The following KALRN variants were observed in gnomAD, a reference collection of about 807,000 sequenced individuals.
KALRN encodes kalirin.
Under a neutral mutation model 353.7 loss-of-function variants are expected in KALRN, and 70 were observed. The observed-to-expected ratio is 0.20, with a 90% CI of 0.16 to 0.24. KALRN has a LOEUF of 0.24. KALRN is among the 10% of genes least tolerant of loss of function. The pLI is 1.00. For missense variants in KALRN, 2,791 were observed against 3,756.7 expected, an observed-to-expected ratio of 0.74 and a Z score of 6.72; for synonymous variants, 1,391 against 1,434.8, an observed-to-expected ratio of 0.97 and a Z score of 0.69.
intron 34 of KALRN, among the ~76,000 whole-genome samples, chr3:124,625,373 G>A (rs2079824019): frequency 6.6e-6 from 1 of 152,180 alleles, no homozygotes; most frequent in African/African-American, 2.4e-5. Flanking sequence ...GATGAGCCCA[G>A]AAAATGAGTG....
chr3:124,574,647 A>G (rs2073905362), intron 34 of KALRN, among the ~76,000 whole-genome samples: 2 of 152,358 alleles, frequency 1.3e-5, no homozygotes, highest in South Asian at 4.1e-4. Context: ...CCCAGCAAAC[A>G]GAATGTTCCC....
intron 1 of KALRN, among the ~76,000 whole-genome samples, chr3:124,069,333 AGGAGGAGGAGG>A (rs1559899736): frequency 1.7e-5 from 2 of 116,900 alleles, no homozygotes; most frequent in Non-Finnish European, 3.2e-5. Flanking sequence ...GAGGAGGAGG[AGGAGGAGGAGG>A]AGGAGGAGGA....
chr3:124,423,702 C>T (rs189785131), intron 15 of KALRN, among the ~76,000 whole-genome samples: 129 of 152,132 alleles, frequency 8.5e-4, no homozygotes, highest in African/African-American at 2.9e-3. Flanking sequence ...ATGGTGAGAC[C>T]GCACAAAAAA....
At chr3:124,563,877 C>T (rs919357133) in intron 34 of KALRN, among the ~76,000 whole-genome samples, 1 of 152,052 alleles carries the variant, frequency 6.6e-6, no homozygotes, top group Admixed American at 6.6e-5. Context: ...TACCTGTAGT[C>T]CCAGCTACTT....
chr3:124,403,443 C>T (rs2091121017), intron 13 of KALRN, among the ~76,000 whole-genome samples: 1 of 152,124 alleles, frequency 6.6e-6, no homozygotes, highest in African/African-American at 2.4e-5. Context: ...ATATGGGCCA[C>T]CTTTATGGTT....
chr3:124,349,458 AT>A (rs201588187), intron 10 of KALRN, among the ~76,000 whole-genome samples: 3,027 of 151,324 alleles, frequency 0.02, 124 homozygotes, highest in East Asian at 0.1. Context: ...TTTTTTTGCA[AT>A]TTTTTTTTAG....
intron 37 of KALRN, among the ~76,000 whole-genome samples, chr3:124,643,767 T>C (rs770084104): frequency 6.6e-6 from 1 of 152,028 alleles, no homozygotes; most frequent in Non-Finnish European, 1.5e-5. Flanking sequence ...GCCACAGCCA[T>C]ATGTTATTTT....
At chr3:124,395,555 T>A (rs946574826) in intron 12 of KALRN, 16 of 540,938 alleles carry the variant, frequency 3.0e-5, no homozygotes, top group Non-Finnish European at 4.3e-5. Context: ...AAAGAATTAT[T>A]TATCATTCAG....
chr3:124,476,535 G>A (rs767468807), intron 26 of KALRN, among the ~76,000 whole-genome samples: 1 of 152,086 alleles, frequency 6.6e-6, no homozygotes, highest in Non-Finnish European at 1.5e-5. Context: ...GCACTGAGAT[G>A]GGTAGCATTT....
chr3:124,236,515 C>T (rs2079788711), intron 3 of KALRN, among the ~76,000 whole-genome samples: 1 of 152,140 alleles, frequency 6.6e-6, no homozygotes, highest in African/African-American at 2.4e-5. Context: ...GTGATGAACT[C>T]TCAGTTCTCT....
At chr3:124,389,071 G>A (rs2088912601) in intron 11 of KALRN, among the ~76,000 whole-genome samples, 1 of 152,104 alleles carries the variant, frequency 6.6e-6, no homozygotes, top group Non-Finnish European at 1.5e-5. Context: ...TGCTAAAGTG[G>A]CCTTCGGTAC....
intron 1 of KALRN, among the ~76,000 whole-genome samples, chr3:124,112,005 T>G (rs981585495): frequency 7.1e-5 from 9 of 126,882 alleles, no homozygotes; most frequent in African/African-American, 1.8e-4. Flanking sequence ...AAGAAAATAT[T>G]AAGGCTTAAG....
At chr3:124,670,750 A>G (rs73195552) in intron 47 of KALRN, among the ~76,000 whole-genome samples, 4,247 of 152,318 alleles carry the variant, frequency 0.028, 80 homozygotes, top group East Asian at 0.079. Flanking sequence ...GACCTGTATG[A>G]CATTTGCCTG....
intron 27 of KALRN, 97 bp downstream of exon 27, chr3:124,477,431 T>C (rs2061532094): frequency 6.2e-6 from 6 of 960,652 alleles, no homozygotes; most frequent in Admixed American, 2.1e-5. Flanking sequence ...CCTTTTTTCC[T>C]AATTTTTCTT....
At chr3:124,606,100 A>C (rs1513293) in intron 34 of KALRN, among the ~76,000 whole-genome samples, 90,726 of 152,054 alleles carry the variant, frequency 0.6, 27,289 homozygotes, top group East Asian at 0.83. Context: ...TAACATAGTC[A>C]TGCATCTGTT....
intron 9 of KALRN, among the ~76,000 whole-genome samples, chr3:124,343,612 C>G (rs2081990089): frequency 6.6e-6 from 1 of 152,208 alleles, no homozygotes; most frequent in Non-Finnish European, 1.5e-5. Context: ...CCATTTCCTA[C>G]TTATCCCCTA....
At chr3:124,409,296 A>G (rs116066842) in intron 13 of KALRN, among the ~76,000 whole-genome samples, 4,571 of 152,308 alleles carry the variant, frequency 0.03, 218 homozygotes, top group African/African-American at 0.1. Context: ...TTCAGGCCCT[A>G]GTTTCTAGCC....
chr3:124,207,111 G>A (rs886705349), intron 1 of KALRN, among the ~76,000 whole-genome samples: 1 of 152,212 alleles, frequency 6.6e-6, no homozygotes, highest in Non-Finnish European at 1.5e-5. Context: ...ATCATCCAAG[G>A]TGAGGAGTCC....
chr3:124,633,086 C>G (rs1285410653), intron 35 of KALRN, among the ~76,000 whole-genome samples: 1 of 152,192 alleles, frequency 6.6e-6, no homozygotes, highest in Non-Finnish European at 1.5e-5. Context: ...GAGATTGTAG[C>G]TGTTTTCAAG....
Sources: gnomAD v4.1 joint callset for allele counts (sites outside exome capture counted in the v4.1 genomes callset) on GRCh38, gnomAD v4.1.1 for gene constraint, MANE v1.5 for transcripts, NCBI Gene and HGNC (gene_info 2026-07-23, HGNC 2026-07-21) for gene names.